The following GABRB2 variants were observed in gnomAD, a reference collection of about 807,000 sequenced individuals.
The protein encoded by GABRB2 is gamma-aminobutyric acid receptor subunit beta-2.
GABRB2 carries 16 observed loss-of-function variants against 54.7 expected under a neutral mutation model. The ratio of observed to expected loss-of-function variants is 0.29; its 90% CI spans 0.20 to 0.44. The LOEUF is 0.44. GABRB2 is among the 20% of genes least tolerant of loss of function. GABRB2 has a pLI of 1.00. For synonymous variants in GABRB2, 244 were observed against 233.8 expected, an observed-to-expected ratio of 1.04 and a Z score of -0.40; for missense variants, 355 against 644.0, an observed-to-expected ratio of 0.55 and a Z score of 4.86.
rs551829429 is a variant in GABRB2 at position 161,310,972 on chromosome 5, A to G, written c.1191+15396T>C. Reference sequence around the variant, plus strand: ...AGACGGGGTTTCACCGTGTTAGCCAAGATGGTCTCGATCTCCTCACCTCGT... The same window carrying G: ...AGACGGGGTTTCACCGTGTTAGCCAGGATGGTCTCGATCTCCTCACCTCGT... On this transcript the variant is annotated intron_variant, in intron 9 of 9. Transcript: ENST00000393959. Among the ~76,000 whole-genome samples, 166 of 152,044 alleles carry G rather than the reference A, an allele frequency of 1.1e-3. 1 individual carries two copies. Among genetic ancestry groups the G allele is most frequent in the African/African-American group, 3.8e-3 (157 of 41,516 alleles).
chr5:161,515,464 T>G (rs2113415242), intron 3 of GABRB2, among the ~76,000 whole-genome samples: 1 of 152,242 alleles, frequency 6.6e-6, no homozygotes, highest in Non-Finnish European at 1.5e-5. Flanking sequence ...ACTAGAGATT[T>G]TTCTGTTTTT....
At chr5:161,482,504 G>C (rs778026099) in intron 3 of GABRB2, among the ~76,000 whole-genome samples, 2 of 152,074 alleles carry the variant, frequency 1.3e-5, no homozygotes, top group Non-Finnish European at 2.9e-5. Context: ...TGTTAATACT[G>C]TAGCTCCCTT....
At chr5:161,540,934 C>T (rs143153978) in intron 3 of GABRB2, among the ~76,000 whole-genome samples, 23 of 152,138 alleles carry the variant, frequency 1.5e-4, no homozygotes, top group Admixed American at 5.9e-4. Context: ...GCAACCTTTG[C>T]CACCCAGGTT....
At chr5:161,546,217 G>C in intron 2 of GABRB2, 105 bp downstream of exon 2, 1 of 845,986 alleles carries the variant, frequency 1.2e-6, no homozygotes, top group South Asian at 1.4e-5. Context: ...GACACATTCA[G>C]GACACCACAT....
At chr5:161,493,189 C>A (rs1043707555) in intron 3 of GABRB2, among the ~76,000 whole-genome samples, 1 of 151,556 alleles carries the variant, frequency 6.6e-6, no homozygotes, top group Non-Finnish European at 1.5e-5. Context: ...TAAGGTGGTA[C>A]CTCTTTATTA....
At chr5:161,501,555 C>G (rs767622851) in intron 3 of GABRB2, among the ~76,000 whole-genome samples, 2 of 152,148 alleles carry the variant, frequency 1.3e-5, no homozygotes, top group African/African-American at 2.4e-5. Context: ...GACCCACTAA[C>G]TTAAGTGCTG....
At position 161,350,010 on chromosome 5, in the gene GABRB2, AC is replaced by A. The variant is rs578098307; in HGVS notation, c.542-13242del. 3.0e-3 allele frequency among the ~76,000 whole-genome samples: 454 copies of A among 152,186 alleles called. 4 individuals are homozygous for A. The highest frequency in any genetic ancestry group is 0.011 in the African/African-American group (442 of 41,540). Reference sequence around the variant, plus strand: ...ATAATCAGAAGTAAATAAATAACAAACCTTTTCATAATAATAACTCTTAGCA... The same window carrying A: ...ATAATCAGAAGTAAATAAATAACAAACTTTTCATAATAATAACTCTTAGCA... On this transcript the variant is annotated intron_variant, in intron 5 of 9. Transcript: ENST00000393959.
chr5:161,523,750 A>G (rs1268136606), intron 3 of GABRB2, among the ~76,000 whole-genome samples: 1 of 151,200 alleles, frequency 6.6e-6, no homozygotes, highest in African/African-American at 2.4e-5. Flanking sequence ...AAGAGTTCTG[A>G]ATATTCTATT....
At chr5:161,463,104 C>A (rs186395006) in intron 3 of GABRB2, among the ~76,000 whole-genome samples, 1 of 151,762 alleles carries the variant, frequency 6.6e-6, no homozygotes, top group African/African-American at 2.4e-5. Context: ...CAATACCAAA[C>A]AAGATAAAGT....
chr5:161,289,122 C>T lies in GABRB2; in HGVS notation c.*4959G>A, dbSNP rs967171803. 6.6e-6 allele frequency: 1 copy of T among 150,914 alleles called. No homozygotes were observed. The allele number at this position is 150,914 out of a possible 1,614,324, so 9.3% of individuals were successfully genotyped here. Reference sequence around the variant, plus strand: ...ATTTGAATCATATTGATCTTCATCACAAATAAAACTTCTTTAAGCAAATTA... The same window carrying T: ...ATTTGAATCATATTGATCTTCATCATAAATAAAACTTCTTTAAGCAAATTA... On this transcript the variant is annotated 3_prime_UTR_variant, in exon 10 of 10. Transcript: ENST00000393959.
chr5:161,392,475 A>T (rs1458577586), intron 5 of GABRB2, among the ~76,000 whole-genome samples: 1 of 152,168 alleles, frequency 6.6e-6, no homozygotes, highest in African/African-American at 2.4e-5. Flanking sequence ...CATGACCCCA[A>T]ATCAATGCTC....
chr5:161,375,786 A>G (rs2910292), intron 5 of GABRB2, among the ~76,000 whole-genome samples: 1 of 152,194 alleles, frequency 6.6e-6, no homozygotes, highest in South Asian at 2.1e-4. Flanking sequence ...CAGCATTTAA[A>G]AATACTCAAT....
intron 3 of GABRB2, among the ~76,000 whole-genome samples, chr5:161,541,561 C>G (rs757466694): frequency 7.2e-5 from 11 of 152,246 alleles, no homozygotes; most frequent in Non-Finnish European, 1.5e-4. Context: ...TCTCCATCAG[C>G]ATTTGCTAAT....
intron 3 of GABRB2, among the ~76,000 whole-genome samples, chr5:161,505,452 A>G (rs1482698878): frequency 6.6e-6 from 1 of 152,164 alleles, no homozygotes; most frequent in African/African-American, 2.4e-5. Context: ...TGAGACCAGC[A>G]AAAACCCTAA....
At chr5:161,392,182 C>A (rs966610380) in intron 5 of GABRB2, among the ~76,000 whole-genome samples, 1 of 152,064 alleles carries the variant, frequency 6.6e-6, no homozygotes, top group African/African-American at 2.4e-5. Context: ...GCCCATGGAG[C>A]CAACGCTGCT....
chr5:161,516,442 T>C (rs1473420447), intron 3 of GABRB2, among the ~76,000 whole-genome samples: 2 of 152,174 alleles, frequency 1.3e-5, no homozygotes, highest in Non-Finnish European at 2.9e-5. Flanking sequence ...CAATGTAATT[T>C]GCATGTAAGC....
chr5:161,343,757 T>C (rs1008548133), intron 5 of GABRB2, among the ~76,000 whole-genome samples: 10 of 152,084 alleles, frequency 6.6e-5, no homozygotes, highest in Middle Eastern at 3.2e-3. Context: ...ATAAGGTCCG[T>C]CTCTACAGAG....
intron 3 of GABRB2, among the ~76,000 whole-genome samples, chr5:161,528,915 A>G (rs1474733128): frequency 6.6e-6 from 1 of 151,964 alleles, no homozygotes; most frequent in African/African-American, 2.4e-5. Flanking sequence ...GTTATTTCAC[A>G]CAAAGTTTAA....
intron 9 of GABRB2, among the ~76,000 whole-genome samples, chr5:161,325,729 C>A (rs1758342654): frequency 6.6e-6 from 1 of 152,070 alleles, no homozygotes. Flanking sequence ...TTAAGATCAC[C>A]AACACATGAG....
Sources: gnomAD v4.1 joint callset for allele counts (sites outside exome capture counted in the v4.1 genomes callset) on GRCh38, gnomAD v4.1.1 for gene constraint, MANE v1.5 for transcripts, NCBI Gene and HGNC (gene_info 2026-07-23, HGNC 2026-07-21) for gene names.